The following ARHGEF3 variants were observed in gnomAD, a reference collection of about 807,000 sequenced individuals.
ARHGEF3 encodes 59.8 kDA protein.
ARHGEF3 carries 28 observed loss-of-function variants against 63.2 expected under a neutral mutation model. The observed-to-expected ratio is 0.44, with a 90% CI of 0.33 to 0.61. The LOEUF (loss-of-function observed/expected upper bound fraction) is 0.61. ARHGEF3 is among the 20% of genes least tolerant of loss of function. The pLI is 0.03. For missense variants in ARHGEF3, 533 were observed against 659.3 expected (o/e 0.81, Z 2.10); for synonymous variants, 266 against 254.2 (o/e 1.05, Z -0.44).
At chr3:56,942,843 G>A (rs1170035028) in intron 3 of ARHGEF3, among the ~76,000 whole-genome samples, 4 of 152,198 alleles carry the variant, frequency 2.6e-5, no homozygotes, top group Non-Finnish European at 5.9e-5. Context: ...AAGTTTGAGT[G>A]GTGTGGATAA....
At chr3:56,766,734 T>A (rs1246152789) in intron 2 of ARHGEF3, among the ~76,000 whole-genome samples, 1 of 151,792 alleles carries the variant, frequency 6.6e-6, no homozygotes, top group Non-Finnish European at 1.5e-5. Context: ...AAGTCTAGAT[T>A]TAGATGTGAA....
intron 3 of ARHGEF3, among the ~76,000 whole-genome samples, chr3:56,932,379 CT>C (rs1057261274): frequency 9.9e-5 from 15 of 152,050 alleles, no homozygotes; most frequent in Non-Finnish European, 1.5e-4. Context: ...CTCTCAAGTG[CT>C]TTTTTTCATA....
chr3:56,872,386 T>G (rs1275499477), intron 4 of ARHGEF3, among the ~76,000 whole-genome samples: 1 of 152,242 alleles, frequency 6.6e-6, no homozygotes, highest in East Asian at 1.9e-4. Context: ...GTTCTGTAAC[T>G]GCATTTTACA....
intron 4 of ARHGEF3, among the ~76,000 whole-genome samples, chr3:56,823,948 T>C (rs2038612733): frequency 6.8e-6 from 1 of 147,742 alleles, no homozygotes; most frequent in African/African-American, 2.5e-5. Flanking sequence ...AGATTCCCCT[T>C]TAAAAAACTA....
intron 1 of ARHGEF3, among the ~76,000 whole-genome samples, chr3:56,785,841 G>C (rs1021226807): frequency 9.9e-5 from 15 of 152,176 alleles, no homozygotes; most frequent in African/African-American, 3.4e-4. Flanking sequence ...TGGTTGCTGG[G>C]TAAAAACTAC....
intron 3 of ARHGEF3, among the ~76,000 whole-genome samples, chr3:56,931,104 A>G (rs2042398140): frequency 6.6e-6 from 1 of 152,214 alleles, no homozygotes; most frequent in South Asian, 2.1e-4. Flanking sequence ...GTAGACCTGA[A>G]AAACCTATTC....
intron 2 of ARHGEF3, among the ~76,000 whole-genome samples, chr3:57,009,558 C>A (rs1702599667): frequency 6.8e-6 from 1 of 147,274 alleles, no homozygotes; most frequent in Non-Finnish European, 1.5e-5. Flanking sequence ...GCTGGACAGG[C>A]CAGGATGTGA....
intron 3 of ARHGEF3, chr3:56,938,630 T>C (rs1307521622): frequency 6.6e-6 from 1 of 152,144 alleles, no homozygotes; most frequent in Non-Finnish European, 1.5e-5. Flanking sequence ...CATGAGGCCT[T>C]AGCTCGGCTC....
intron 1 of ARHGEF3, among the ~76,000 whole-genome samples, chr3:56,794,483 T>C: frequency 1.2e-5 from 1 of 86,124 alleles, no homozygotes; most frequent in Non-Finnish European, 2.0e-5. Flanking sequence ...AGCGAGACTC[T>C]ATCTCAAAAA....
intron 1 of ARHGEF3, among the ~76,000 whole-genome samples, chr3:57,054,920 A>T (rs1183928961): frequency 2.0e-5 from 3 of 151,940 alleles, no homozygotes; most frequent in Admixed American, 6.6e-5. Flanking sequence ...AAATGCTGGG[A>T]TTACAGGCGT....
chr3:56,855,027 T>A (rs1233550681), intron 4 of ARHGEF3, among the ~76,000 whole-genome samples: 1 of 152,204 alleles, frequency 6.6e-6, no homozygotes, highest in South Asian at 2.1e-4. Context: ...AGTCACTAGA[T>A]ATGGCCATGG....
At chr3:57,057,155 A>G (rs1316850200) in intron 1 of ARHGEF3, among the ~76,000 whole-genome samples, 2 of 152,138 alleles carry the variant, frequency 1.3e-5, no homozygotes, top group Admixed American at 1.3e-4. Flanking sequence ...TTTGTTGCTC[A>G]GGCTGGGGTG....
At chr3:56,947,677 T>C (rs1302446146) in intron 3 of ARHGEF3, among the ~76,000 whole-genome samples, 2 of 152,118 alleles carry the variant, frequency 1.3e-5, no homozygotes, top group South Asian at 2.1e-4. Context: ...ACAATAATAA[T>C]GGGAGACTTT....
intron 4 of ARHGEF3, among the ~76,000 whole-genome samples, chr3:56,812,446 A>G (rs900875479): frequency 6.6e-6 from 1 of 152,248 alleles, no homozygotes; most frequent in Admixed American, 6.5e-5. Context: ...GGCTGAAACT[A>G]GTGACAAAGG....
intron 2 of ARHGEF3, among the ~76,000 whole-genome samples, chr3:56,972,599 GC>G (rs911278500): frequency 6.6e-6 from 1 of 152,012 alleles, no homozygotes; most frequent in Non-Finnish European, 1.5e-5. Context: ...GCTTCTCCCT[GC>G]AAGAGCCGGA....
chr3:56,759,174 AT>A (rs35855808), intron 2 of ARHGEF3, among the ~76,000 whole-genome samples: 2,849 of 128,154 alleles, frequency 0.022, 30 homozygotes, highest in East Asian at 0.072. Context: ...AGAAAACTGA[AT>A]TTTTTTTTTT....
At chr3:56,934,876 G>A (rs565178088) in intron 3 of ARHGEF3, among the ~76,000 whole-genome samples, 198 of 152,386 alleles carry the variant, frequency 1.3e-3, no homozygotes, top group African/African-American at 4.6e-3. Context: ...CTGGCAGCCA[G>A]CTCCACCTGC....
At chr3:56,805,384 G>A (rs1429209041), upstream of ARHGEF3, among the ~76,000 whole-genome samples, 2 of 152,066 alleles carry the variant, frequency 1.3e-5, no homozygotes, top group South Asian at 4.2e-4. Context: ...ACAGGCACAC[G>A]TCACCACGCC....
intron 1 of ARHGEF3, among the ~76,000 whole-genome samples, chr3:56,786,357 A>T (rs2036811172): frequency 6.6e-6 from 1 of 152,232 alleles, no homozygotes; most frequent in Non-Finnish European, 1.5e-5. Context: ...GGAAACTGTG[A>T]GGTAAGTAAT....
Sources: allele counts gnomAD v4.1 joint callset (sites outside exome capture counted in the v4.1 genomes callset), GRCh38; gene constraint gnomAD v4.1.1; transcripts MANE v1.5; gene names NCBI Gene and HGNC (gene_info 2026-07-23, HGNC 2026-07-21).